The following PLAAT4 variants were observed in gnomAD, a reference collection of about 807,000 sequenced individuals.
PLAAT4 encodes the protein phospholipase A and acyltransferase 4.
In PLAAT4, 12 loss-of-function variants were observed where a neutral mutation model predicts 14.1. The observed-to-expected ratio is 0.85, with a 90% CI of 0.54 to 1.37. The LOEUF is 1.37. Ranked by LOEUF, PLAAT4 falls within the 40% of genes most tolerant of loss-of-function variation. PLAAT4 has a pLI of 0.00. For missense variants in PLAAT4, 163 were observed against 211.7 expected, an observed-to-expected ratio of 0.77 and a Z score of 1.43; for synonymous variants, 77 against 79.8, an observed-to-expected ratio of 0.96 and a Z score of 0.19.
intron 1 of PLAAT4, among the ~76,000 whole-genome samples, chr11:63,539,282 C>T (rs896497707): frequency 2.0e-5 from 3 of 152,218 alleles, no homozygotes; most frequent in Non-Finnish European, 4.4e-5. Flanking sequence ...GTCACACATG[C>T]GCCCAGACGG....
intron 2 of PLAAT4, among the ~76,000 whole-genome samples, chr11:63,544,032 A>G (rs2017342327): frequency 6.6e-6 from 1 of 152,248 alleles, no homozygotes; most frequent in African/African-American, 2.4e-5. Context: ...AGGAGATTAA[A>G]TTAGGAAGTA....
At chr11:63,544,482 T>TAA (rs557490744) in intron 2 of PLAAT4, 139 bp from the exon 3 acceptor site, 64 of 879,830 alleles carry the variant, frequency 7.3e-5, no homozygotes, top group Non-Finnish European at 8.9e-5. Context: ...TCCATCAAAA[T>TAA]AAAAAAAAAA....
chr11:63,537,294 C>T (rs2017278481), intron 1 of PLAAT4, among the ~76,000 whole-genome samples: 1 of 152,196 alleles, frequency 6.6e-6, no homozygotes, highest in Admixed American at 6.5e-5. Context: ...CTTTCTCTCT[C>T]CTCGTTCCTC....
intron 2 of PLAAT4, among the ~76,000 whole-genome samples, chr11:63,541,490 G>T (rs962396947): frequency 6.6e-6 from 1 of 150,386 alleles, no homozygotes; most frequent in Non-Finnish European, 1.5e-5. Flanking sequence ...GCGCTCAGCC[G>T]TAAAGAGGCT....
In PLAAT4 at chr11:63,545,601, A is replaced by C. The variant is rs139402077; in HGVS notation, c.388-548A>C. Among the ~76,000 whole-genome samples the C allele has an allele frequency of 3.2e-3, 487 of 152,146 alleles. 6 individuals are homozygous for C. Among genetic ancestry groups the C allele is most frequent in the Non-Finnish European group, 4.9e-3 (330 of 67,996 alleles). ...AGGCCCAGGTGGAGATAAGGCATGG[A>C]GTTTAGGCTGAAGTACAGCTGGAGA... is the stretch of plus-strand genomic sequence containing the variant. On this transcript the variant is annotated intron_variant, in intron 3 of 3. Coordinates refer to ENST00000255688, the MANE Select transcript of PLAAT4 (RefSeq NM_004585.5).
intron 1 of PLAAT4, chr11:63,538,360 G>A (rs1292634713): frequency 5.3e-6 from 2 of 378,602 alleles, no homozygotes; most frequent in Non-Finnish European, 1.1e-5. Flanking sequence ...GGAGGCAGGG[G>A]CTGGTCAGGG....
At chr11:63,543,525 G>A (rs947065927) in intron 2 of PLAAT4, among the ~76,000 whole-genome samples, 3 of 152,166 alleles carry the variant, frequency 2.0e-5, no homozygotes, top group African/African-American at 2.4e-5. Flanking sequence ...GGCTGGTCTC[G>A]AACTCCTGAG....
chr11:63,539,802 A>G (rs576575256), intron 2 of PLAAT4, among the ~76,000 whole-genome samples, 178 bp downstream of exon 2: 1 of 152,284 alleles, frequency 6.6e-6, no homozygotes, highest in African/African-American at 2.4e-5. Flanking sequence ...TCTCTACTAA[A>G]AATACAAAAT....
intron 3 of PLAAT4, among the ~76,000 whole-genome samples, chr11:63,545,675 C>A (rs1348891398): frequency 6.6e-6 from 1 of 152,052 alleles, no homozygotes; most frequent in Non-Finnish European, 1.5e-5. Flanking sequence ...GACCCCAGGG[C>A]ACGCATATGG....
chr11:63,539,339 C>T (rs1200232611), intron 1 of PLAAT4, among the ~76,000 whole-genome samples, 177 bp from the exon 2 acceptor site: 1 of 152,214 alleles, frequency 6.6e-6, no homozygotes, highest in African/African-American at 2.4e-5. Flanking sequence ...GCTTCCAGCC[C>T]CCAGTGCCCC....
At chr11:63,539,476 T>G in intron 1 of PLAAT4, 40 bp from the exon 2 acceptor site, 1 of 1,555,964 alleles carries the variant, frequency 6.4e-7, no homozygotes, top group Non-Finnish European at 8.9e-7. Flanking sequence ...TGCTGTTGCC[T>G]AGAAGGCCGG....
At chr11:63,538,203 G>A (rs888893167) in intron 1 of PLAAT4, among the ~76,000 whole-genome samples, 1 of 152,120 alleles carries the variant, frequency 6.6e-6, no homozygotes, top group Non-Finnish European at 1.5e-5. Context: ...AGGGAGAGGA[G>A]GGTGAGGAAG....
rs1483034543 is a variant in PLAAT4 at position 63,544,782 on chromosome 11, A to G, written c.280A>G (p.Ser94Gly). 2.5e-6 allele frequency: 4 copies of G among 1,614,198 alleles called. No individual in the cohort carries two copies. ...ACCACGGCCCGTGGAGGTGATCATC[A>G]GTTCTGCGAAGGAGATGGTTGGTCA... ...YQPRPVEVII[S>G]SAKEMVGQKM... Residue 94 changes from serine (S) to glycine (G), a missense_variant, in exon 3 of 4, where the codon AGT becomes GGT. Coordinates refer to ENST00000255688, the MANE Select transcript of PLAAT4 (RefSeq NM_004585.5).
chr11:63,539,756 G>A, intron 2 of PLAAT4, 132 bp downstream of exon 2: 1 of 562,132 alleles, frequency 1.8e-6, no homozygotes, highest in Non-Finnish European at 3.0e-6. Flanking sequence ...GAGGTCAGGA[G>A]TTCAAGACCA....
At chr11:63,540,928 A>G (rs1167627487) in intron 2 of PLAAT4, among the ~76,000 whole-genome samples, 1 of 152,242 alleles carries the variant, frequency 6.6e-6, no homozygotes, top group Non-Finnish European at 1.5e-5. Context: ...GTGCCACTAC[A>G]TAACTTCTCA....
chr11:63,545,263 G>T, intron 3 of PLAAT4: 1 of 489,110 alleles, frequency 2.0e-6, no homozygotes, highest in Non-Finnish European at 3.7e-6. Flanking sequence ...GGACGCTCAG[G>T]GTCCGTGGAC....
chr11:63,537,444 A>G (rs981075373), intron 1 of PLAAT4, among the ~76,000 whole-genome samples: 2 of 152,084 alleles, frequency 1.3e-5, no homozygotes, highest in East Asian at 1.9e-4. Context: ...GTGTGTGACT[A>G]AAAAGGAACA....
chr11:63,544,540 C>T (rs2017346237), intron 2 of PLAAT4, 81 bp from the exon 3 acceptor site: 1 of 1,446,450 alleles, frequency 6.9e-7, no homozygotes, highest in Admixed American at 2.1e-5. Flanking sequence ...GGATAAACAC[C>T]AGTAGTTCCT....
Position 63,538,406 on chromosome 11 carries a change from C to T in PLAAT4, c.10-1110C>T, listed in dbSNP as rs543164671. On this transcript the variant is annotated intron_variant, in intron 1 of 3. Transcript: ENST00000255688. Reference sequence around the variant, plus strand: ...GTCACAGAGGCAGGCATGGGGCTGCCTGAACCAAGTCAGTGGATGGGATAT... The same window carrying T: ...GTCACAGAGGCAGGCATGGGGCTGCTTGAACCAAGTCAGTGGATGGGATAT... 12 of 376,290 alleles carry T rather than the reference C, an allele frequency of 3.2e-5. No individual in the cohort carries two copies. The East Asian group carries it at 9.6e-4, about 30-fold the overall frequency. 23.3% of individuals were successfully genotyped at this position (376,290 alleles called of 1,614,324 possible).
Sources: allele counts gnomAD v4.1 joint callset (sites outside exome capture counted in the v4.1 genomes callset), GRCh38; gene constraint gnomAD v4.1.1; transcripts MANE v1.5; gene names NCBI Gene and HGNC (gene_info 2026-07-23, HGNC 2026-07-21).